Variants in ARHGEF9 observed in about 807,000 individuals in gnomAD.
The protein encoded by ARHGEF9 is Cdc42 guanine nucleotide exchange factor 9.
A neutral mutation model predicts 41.3 loss-of-function variants in ARHGEF9; 2 were observed. The ratio of observed to expected loss-of-function variants is 0.05; its 90% CI spans 0.02 to 0.15. The LOEUF (loss-of-function observed/expected upper bound fraction) is 0.15, where lower values mean the gene tolerates loss of function less well. Ranked by LOEUF, ARHGEF9 falls within the 10% of genes least tolerant of loss-of-function variation. The probability of loss-of-function intolerance (pLI) is 1.00; values close to 1 mark genes in which losing one functional copy is unlikely to be tolerated. For synonymous variants in ARHGEF9, 160 were observed against 154.4 expected, an observed-to-expected ratio of 1.04 and a Z score of -0.27; for missense variants, 225 against 424.7, an observed-to-expected ratio of 0.53 and a Z score of 4.13.
At chrX:63,667,020 C>T (rs1364093557) in intron 6 of ARHGEF9, among the ~76,000 whole-genome samples, 1 of 111,827 alleles carries the variant, frequency 8.9e-6, no homozygotes, top group Non-Finnish European at 1.9e-5. Context: ...ATGCTCAAAA[C>T]TCATGAAACA....
In ARHGEF9 at chrX:63,762,853, C is replaced by T. The variant is rs782185814; in HGVS notation, c.30+22263G>A. On this transcript the variant is annotated intron_variant, in intron 1 of 9. Coordinates refer to ENST00000671741, the MANE Select transcript of ARHGEF9 (RefSeq NM_001353921.2). ...TCAAGACCAACCCCTCCTCTTCCTT[C>T]TCCTCTTAAGCCCACTCAATGTGAA... 5.0e-4 allele frequency among the ~76,000 whole-genome samples: 56 copies of T among 111,927 alleles called. No homozygotes were observed. The South Asian group carries it at 0.012, about 23-fold the overall frequency.
chrX:63,672,378 T>C (rs1458805074), intron 6 of ARHGEF9, among the ~76,000 whole-genome samples: 2 of 110,231 alleles, frequency 1.8e-5, no homozygotes, highest in African/African-American at 6.6e-5. Flanking sequence ...AGCAGGAGCG[T>C]ACAAGGGATG....
At chrX:63,742,413 A>C (rs2147730220) in intron 1 of ARHGEF9, among the ~76,000 whole-genome samples, 1 of 111,095 alleles carries the variant, frequency 9.0e-6, no homozygotes, top group Non-Finnish European at 1.9e-5. Flanking sequence ...CAGTGTGTAG[A>C]TATGTGCACG....
chrX:63,784,990 G>A (rs1210567889), intron 1 of ARHGEF9, 126 bp downstream of exon 1: 4 of 857,054 alleles, frequency 4.7e-6, no homozygotes, highest in Admixed American at 2.8e-5. Context: ...GTGTCTCAAG[G>A]ACGGCGGCTA....
chrX:63,782,147 A>C (rs1556462561), intron 1 of ARHGEF9, among the ~76,000 whole-genome samples: 1 of 111,663 alleles, frequency 9.0e-6, no homozygotes, highest in African/African-American at 3.3e-5. Context: ...CCCCTAGAAT[A>C]TAAGCTCCAT....
chrX:63,712,700 T>G (rs1431715769), intron 2 of ARHGEF9, among the ~76,000 whole-genome samples: 2 of 111,641 alleles, frequency 1.8e-5, no homozygotes, highest in Admixed American at 1.9e-4. Context: ...AATGGTAAAT[T>G]TTATGGTATG....
At chrX:63,638,946 A>G (rs1270141766) in intron 9 of ARHGEF9, among the ~76,000 whole-genome samples, 4 of 112,205 alleles carry the variant, frequency 3.6e-5, no homozygotes, top group African/African-American at 1.3e-4. Context: ...CAACATTTGT[A>G]GGTAGGTTTG....
intron 3 of ARHGEF9, among the ~76,000 whole-genome samples, chrX:63,706,023 G>T (rs1427048826): frequency 9.0e-6 from 1 of 111,463 alleles, no homozygotes; most frequent in Non-Finnish European, 1.9e-5. Context: ...GAGAGACAAT[G>T]AATATAAATG....
chrX:63,676,593 C>G (rs1556362496), intron 5 of ARHGEF9, among the ~76,000 whole-genome samples: 1 of 112,018 alleles, frequency 8.9e-6, no homozygotes. Flanking sequence ...CTGAGCCTGA[C>G]ACTTAGAAGG....
rs1454484991 is a variant in ARHGEF9 at position 63,636,086 on chromosome X, CA to C, written c.*1941del. On this transcript the variant is annotated 3_prime_UTR_variant, in exon 10 of 10. Transcript: ENST00000671741. ...TAAATAGCTTGTAATTTGATTCCCA[CA>C]AAGAAAAGATTCCCAGGCTGGGCAA... The C allele has an allele frequency of 8.9e-6, 1 of 112,114 alleles. No homozygotes were observed. The highest frequency in any genetic ancestry group is 3.2e-5 in the African/African-American group (1 of 30,829). 9.2% of individuals were successfully genotyped at this position (112,114 alleles called of 1,213,427 possible).
At chrX:63,761,513 T>C (rs1556449630) in intron 1 of ARHGEF9, among the ~76,000 whole-genome samples, 1 of 111,294 alleles carries the variant, frequency 9.0e-6, no homozygotes, top group Non-Finnish European at 1.9e-5. Flanking sequence ...CAATGTAAAA[T>C]GTAAAGGAAG....
chrX:63,662,880 T>C (rs1310930528), intron 7 of ARHGEF9, among the ~76,000 whole-genome samples: 1 of 112,225 alleles, frequency 8.9e-6, no homozygotes, highest in Non-Finnish European at 1.9e-5. Context: ...TTTTCCTATG[T>C]GTAGTCTTCT....
chrX:63,688,293 A>G (rs781862696), intron 4 of ARHGEF9, among the ~76,000 whole-genome samples: 2 of 111,675 alleles, frequency 1.8e-5, no homozygotes, highest in African/African-American at 3.3e-5. Flanking sequence ...TCCTTCAAAC[A>G]TGAAGGAGAG....
At chrX:63,662,622 C>T (rs1208527506) in intron 7 of ARHGEF9, among the ~76,000 whole-genome samples, 3 of 111,731 alleles carry the variant, frequency 2.7e-5, no homozygotes, top group Non-Finnish European at 5.6e-5. Context: ...CTCTATCACT[C>T]ATTAGCTATT....
intron 1 of ARHGEF9, among the ~76,000 whole-genome samples, chrX:63,729,322 C>A (rs1190591902): frequency 1.1e-4 from 12 of 110,746 alleles, no homozygotes. Flanking sequence ...CTTGGGAAAT[C>A]AAGATTTATG....
At chrX:63,771,768 T>C (rs1314482815) in intron 1 of ARHGEF9, among the ~76,000 whole-genome samples, 2 of 111,345 alleles carry the variant, frequency 1.8e-5, no homozygotes, top group Admixed American at 9.5e-5. Flanking sequence ...GGTTTCACCA[T>C]GTTGGCCAGG....
intron 7 of ARHGEF9, chrX:63,657,169 T>C (rs2147226676): frequency 8.9e-6 from 1 of 112,519 alleles, no homozygotes; most frequent in East Asian, 2.8e-4. Flanking sequence ...CTTTATCTGC[T>C]CTTTCAGTCA....
intron 1 of ARHGEF9, among the ~76,000 whole-genome samples, chrX:63,762,608 T>G (rs1399153951): frequency 2.7e-5 from 3 of 111,572 alleles, no homozygotes; most frequent in Admixed American, 9.5e-5. Flanking sequence ...CTAAGACTGC[T>G]GAAGCTCTCT....
chrX:63,676,272 C>G (rs1211875779), intron 5 of ARHGEF9, among the ~76,000 whole-genome samples: 2 of 112,237 alleles, frequency 1.8e-5, no homozygotes, highest in African/African-American at 3.2e-5. Context: ...TGTCTCAAGA[C>G]AAATATGTTA....
Sources: gnomAD v4.1 joint callset for allele counts (sites outside exome capture counted in the v4.1 genomes callset) on GRCh38, gnomAD v4.1.1 for gene constraint, MANE v1.5 for transcripts, NCBI Gene and HGNC (gene_info 2026-07-23, HGNC 2026-07-21) for gene names.